EGFL6: variants seen among roughly 807,000 people sequenced by gnomAD.
EGFL6 encodes epidermal growth factor-like protein 6.
In EGFL6, 42 loss-of-function variants were observed where a neutral mutation model predicts 43.1. The observed-to-expected ratio is 0.98, with a 90% CI of 0.76 to 1.26. The LOEUF is 1.26. Among genes scored for constraint, EGFL6 ranks in the 50% most tolerant of loss-of-function variants. The pLI, the probability that EGFL6 is intolerant of heterozygous loss-of-function variation, is 0.00. For missense variants in EGFL6, 429 were observed against 427.8 expected (o/e 1.00, Z -0.02); for synonymous variants, 164 against 163.2 (o/e 1.01, Z -0.04).
intron 1 of EGFL6, among the ~76,000 whole-genome samples, 195 bp downstream of exon 1, chrX:13,570,130 G>C (rs2045432424): frequency 8.9e-6 from 1 of 112,158 alleles, no homozygotes; most frequent in South Asian, 3.7e-4. Context: ...TCCTGTGGCG[G>C]GGCTTTGCAC....
chrX:13,602,932 TA>T (rs1352751922), intron 4 of EGFL6, among the ~76,000 whole-genome samples: 1 of 112,360 alleles, frequency 8.9e-6, no homozygotes, highest in Non-Finnish European at 1.9e-5. Context: ...TAGATTCTTT[TA>T]CCCTGATTAC....
Position 13,592,158 on chromosome X carries a change from C to G in EGFL6, c.187+2490C>G, listed in dbSNP as rs191182671. ...TATTTGGCATTTATGCTGGGCTTTCCTGTCTGGACCACATTGGAAATCAGT... is the reference window on the plus strand; with the variant it reads ...TATTTGGCATTTATGCTGGGCTTTCGTGTCTGGACCACATTGGAAATCAGT... On this transcript the variant is annotated intron_variant, in intron 2 of 11. Coordinates refer to ENST00000361306, the MANE Select transcript of EGFL6 (RefSeq NM_015507.4). Among the ~76,000 whole-genome samples the G allele has an allele frequency of 4.6e-5, 5 of 109,802 alleles. No individual in the cohort carries two copies. The Admixed American group carries it at 4.9e-4, about 11-fold the overall frequency.
At chrX:13,597,351 A>G (rs755979525) in intron 3 of EGFL6, among the ~76,000 whole-genome samples, 5 of 111,544 alleles carry the variant, frequency 4.5e-5, no homozygotes, top group South Asian at 3.9e-4. Context: ...ATAAACTGAA[A>G]TAGCCGCTCT....
chrX:13,629,940 G>A (rs2045801741), intron 11 of EGFL6, among the ~76,000 whole-genome samples: 1 of 112,071 alleles, frequency 8.9e-6, no homozygotes, highest in African/African-American at 3.2e-5. Flanking sequence ...CGTGGCCCTT[G>A]AAGTCACTCA....
At chrX:13,616,859 ATTTTTTTTTT>A (rs773399610) in intron 7 of EGFL6, among the ~76,000 whole-genome samples, 1 of 88,985 alleles carries the variant, frequency 1.1e-5, no homozygotes, top group African/African-American at 4.4e-5. Flanking sequence ...CTAGAGGTAC[ATTTTTTTTTT>A]TTTTTTTTTT....
chrX:13,627,833 C>G (rs1424097525), intron 11 of EGFL6, among the ~76,000 whole-genome samples: 1 of 111,661 alleles, frequency 9.0e-6, no homozygotes, highest in Non-Finnish European at 1.9e-5. Context: ...CCAGGAGAGA[C>G]CAGGCAGAGG....
Position 13,619,160 on chromosome X carries a change from T to G in EGFL6, c.1103-3T>G. On this transcript the variant is annotated splice_polypyrimidine_tract_variant and splice_region_variant and intron_variant, in intron 8 of 11. Coordinates refer to ENST00000361306, the MANE Select transcript of EGFL6 (RefSeq NM_015507.4). ...TCTTAACTGACCAAGTGTTCTTTAT[T>G]AGTCCCTAAGGTGAATGAAGCAGGT... 8.3e-7 allele frequency: 1 copy of G among 1,209,453 alleles called. No individual in the cohort carries two copies. The highest frequency in any genetic ancestry group is 1.1e-6 in the Non-Finnish European group (1 of 893,258).
At chrX:13,625,663 G>A (rs914862645) in intron 10 of EGFL6, among the ~76,000 whole-genome samples, 4 of 109,734 alleles carry the variant, frequency 3.6e-5, no homozygotes, top group African/African-American at 1.3e-4. Context: ...CAGCCTGGGC[G>A]ACAGAACAAG....
chrX:13,600,093 G>T lies in EGFL6; in HGVS notation c.399G>T (p.Val133=). The T allele has an allele frequency of 8.3e-7, 1 of 1,210,251 alleles. No homozygotes were observed. Among genetic ancestry groups the T allele is most frequent in the Non-Finnish European group, 1.1e-6 (1 of 894,906 alleles). ...GHMLMPDATC[V]NSRTCAMINC... The stretch of plus-strand genomic sequence containing the variant: ...TGCTCATGCCAGATGCTACGTGTGT[G>T]AGTAAGTTTCAACAGCCAGGCTGAT... The change falls in exon 4 of 12, where the codon GTG becomes GTT. Residue 133 remains valine (V), a splice_region_variant and synonymous_variant. Transcript: ENST00000361306.
chrX:13,599,155 G>A (rs1029176137), intron 3 of EGFL6, among the ~76,000 whole-genome samples: 1 of 109,921 alleles, frequency 9.1e-6, no homozygotes, highest in Non-Finnish European at 1.9e-5. Context: ...TTATGTCAGC[G>A]GCTGCTTGGG....
At chrX:13,591,880 T>G (rs1215443528) in intron 2 of EGFL6, among the ~76,000 whole-genome samples, 1 of 111,918 alleles carries the variant, frequency 8.9e-6, no homozygotes, top group Non-Finnish European at 1.9e-5. Flanking sequence ...TTCAGTGAGA[T>G]GAAATACAGA....
intron 5 of EGFL6, among the ~76,000 whole-genome samples, 153 bp from the exon 6 acceptor site, chrX:13,606,226 G>T (rs974513263): frequency 2.7e-5 from 3 of 111,725 alleles, no homozygotes; most frequent in Non-Finnish European, 5.6e-5. Flanking sequence ...TGTGCCTGGG[G>T]GATCTAGAAC....
In EGFL6 at chrX:13,569,748, G is replaced by A. The variant is rs973036184; in HGVS notation, c.-114G>A. 6.8e-6 allele frequency: 5 copies of A among 737,323 alleles called. No individual in the cohort carries two copies. The highest frequency in any genetic ancestry group is 4.1e-5 in the African/African-American group (2 of 48,446). The allele number at this position is 737,323 out of a possible 1,213,427, so 60.8% of individuals were successfully genotyped here. ...GGACAGCACCCGGTAACTGCGAGTG[G>A]AGCGGAGGACCCGAGCGGCTGAGGA... On this transcript the variant is annotated 5_prime_UTR_variant, in exon 1 of 12. Coordinates refer to ENST00000361306, the MANE Select transcript of EGFL6 (RefSeq NM_015507.4).
At chrX:13,577,345 TACAC>T (rs1375018204) in intron 1 of EGFL6, among the ~76,000 whole-genome samples, 5 of 52,315 alleles carry the variant, frequency 9.6e-5, no homozygotes, top group Admixed American at 2.1e-4. Context: ...TATATATACA[TACAC>T]ACACACACAT....
intron 3 of EGFL6, among the ~76,000 whole-genome samples, chrX:13,597,741 G>A (rs938150348): frequency 1.3e-4 from 14 of 110,679 alleles, no homozygotes; most frequent in Admixed American, 3.8e-4. Context: ...CTGAGATCGC[G>A]CCACTGCACT....
At chrX:13,577,233 G>A (rs2045476258) in intron 1 of EGFL6, among the ~76,000 whole-genome samples, 1 of 103,219 alleles carries the variant, frequency 9.7e-6, no homozygotes, top group South Asian at 4.2e-4. Context: ...TTAAAAGTTA[G>A]GTAAATTAAT....
intron 7 of EGFL6, among the ~76,000 whole-genome samples, chrX:13,609,004 A>C (rs1324549997): frequency 2.7e-5 from 3 of 112,757 alleles, no homozygotes; most frequent in Non-Finnish European, 5.6e-5. Flanking sequence ...TTGCTGGTGA[A>C]TTATTTAATA....
intron 3 of EGFL6, among the ~76,000 whole-genome samples, chrX:13,598,881 A>G (rs909235012): frequency 3.8e-5 from 4 of 105,166 alleles, no homozygotes; most frequent in African/African-American, 1.4e-4. Flanking sequence ...TTTCATATAT[A>G]TAATTCACAT....
chrX:13,597,763 A>G (rs946951996), intron 3 of EGFL6, among the ~76,000 whole-genome samples: 21 of 109,371 alleles, frequency 1.9e-4, no homozygotes, highest in African/African-American at 3.0e-4. Flanking sequence ...CAGCCTGGGC[A>G]ACAGAGCGAG....
Sources: gnomAD v4.1 joint callset for allele counts (sites outside exome capture counted in the v4.1 genomes callset) on GRCh38, gnomAD v4.1.1 for gene constraint, MANE v1.5 for transcripts, NCBI Gene and HGNC (gene_info 2026-07-23, HGNC 2026-07-21) for gene names.